The following DNAH5 variants were observed in gnomAD, a reference collection of about 807,000 sequenced individuals.
DNAH5 encodes axonemal beta dynein heavy chain 5.
DNAH5 carries 372 observed loss-of-function variants against 518.2 expected under a neutral mutation model. The observed-to-expected ratio is 0.72, with a 90% CI of 0.66 to 0.78. The LOEUF (loss-of-function observed/expected upper bound fraction) is 0.78, where lower values mean the gene tolerates loss of function less well. Among genes scored for constraint, DNAH5 ranks in the 30% least tolerant of loss-of-function variants. The pLI is 0.00. For synonymous variants in DNAH5, 2,039 were observed against 2,025.9 expected (o/e 1.01, Z -0.17); for missense variants, 5,523 against 5,687.0 (o/e 0.97, Z 0.93).
At chr5:13,786,590 G>A (rs529459259) in intron 51 of DNAH5, among the ~76,000 whole-genome samples, 9 of 152,134 alleles carry the variant, frequency 5.9e-5, no homozygotes, top group African/African-American at 1.7e-4. Context: ...TAATATTATC[G>A]TCATTGAATT....
chr5:13,754,301 A>G lies in DNAH5; in HGVS notation c.10457T>C (p.Met3486Thr), dbSNP rs141651941. The stretch of plus-strand genomic sequence containing the variant: ...ACTGATGAGCGTGGAAGCTGTCTGC[A>G]TCTTGTGTCTGCATCGCTCTGCATC... Reference protein sequence around the residue: ...LEDAERCRHKMQTASTLISGL... With the variant: ...LEDAERCRHKTQTASTLISGL... The change falls in exon 62 of 79, where the codon ATG becomes ACG. Residue 3486 changes from methionine to threonine, a missense_variant. Around this residue, in one of 3 missense-constraint regions of DNAH5, gnomAD observed 5,121 missense variants for 5,223.3 expected, o/e 0.98. Coordinates refer to ENST00000265104, the MANE Select transcript of DNAH5 (RefSeq NM_001369.3). 2,283 of 1,614,100 alleles carry G rather than the reference A, an allele frequency of 1.4e-3. 44 individuals carry two copies. The Admixed American group carries it at 0.035, about 25-fold the overall frequency.
Position 13,901,245 on chromosome 5 carries a change from G to T in DNAH5, c.2052+7C>A. Reference sequence around the variant, plus strand: ...ACAATGGGAAGAGTATAAATTTAGGGACTCACTTGCCGAAGCCACGCCCTG... The same window carrying T: ...ACAATGGGAAGAGTATAAATTTAGGTACTCACTTGCCGAAGCCACGCCCTG... On this transcript the variant is annotated splice_region_variant and intron_variant, in intron 14 of 78. Transcript: ENST00000265104. 1 of 1,612,510 alleles carries T rather than the reference G, an allele frequency of 6.2e-7. No homozygotes were observed. The highest frequency in any genetic ancestry group is 1.1e-5 in the South Asian group (1 of 91,046).
chr5:13,862,533 A>T lies in DNAH5; in HGVS notation c.4796+15T>A. 6.2e-7 allele frequency: 1 copy of T among 1,611,750 alleles called. No individual in the cohort carries two copies. Among genetic ancestry groups the T allele is most frequent in the Non-Finnish European group, 8.5e-7 (1 of 1,177,884 alleles). On this transcript the variant is annotated intron_variant, in intron 29 of 78. Transcript: ENST00000265104. The stretch of plus-strand genomic sequence containing the variant: ...GGTTCTCAAATCTAAGGGAAAAGAT[A>T]GATGGTTTTCCCACCTGTTGCTCAG...
chr5:13,891,014 C>T lies in DNAH5; in HGVS notation c.2539G>A (p.Glu847Lys), dbSNP rs1185753925. ...AGAAACTCTTCACAGGTTAGTGGCT[C>T]CTCCTGGGGAAGCTGACAAAGAGGC... ...STPLCQLPQEEPLTCEEFLQM... is the reference protein window; with the variant it reads ...STPLCQLPQEKPLTCEEFLQM... The change falls in exon 17 of 79, where the codon GAG (glutamate) becomes AAG (lysine). Residue 847 changes from glutamate to lysine, a missense_variant. Glu to Lys is a moderately conservative substitution (Grantham distance 56). This residue lies in a region of DNAH5 where 5,121 missense variants were observed against 5,223.3 expected (regional missense o/e 0.98). Coordinates refer to ENST00000265104, the MANE Select transcript of DNAH5 (RefSeq NM_001369.3). The T allele has an allele frequency of 1.9e-6, 3 of 1,614,178 alleles. No individual in the cohort carries two copies. Among genetic ancestry groups the T allele is most frequent in the Non-Finnish European group, 2.5e-6 (3 of 1,180,010 alleles).
intron 68 of DNAH5, 117 bp from the exon 69 acceptor site, chr5:13,729,677 A>G: frequency 2.2e-6 from 2 of 913,456 alleles, no homozygotes; most frequent in Non-Finnish European, 1.6e-6. Context: ...TTTTTTAAGC[A>G]CAGAAATATA....
intron 1 of DNAH5, among the ~76,000 whole-genome samples, chr5:13,988,632 G>A (rs959313146): frequency 5.9e-5 from 9 of 151,438 alleles, no homozygotes; most frequent in Non-Finnish European, 1.2e-4. Context: ...TGGCCAGGCT[G>A]GTCTCAAACT....
At chr5:13,798,708 C>T (rs1184079556) in intron 47 of DNAH5, among the ~76,000 whole-genome samples, 2 of 151,428 alleles carry the variant, frequency 1.3e-5, no homozygotes, top group East Asian at 3.9e-4. Context: ...ACAGTAATTG[C>T]ACAGTGTACA....
rs1389551827 is a variant in DNAH5, at chr5:13,824,323, T to A, written c.6455A>T (p.Asp2152Val). ...TGACAGAATGTTACGCAGGCCAAAG[T>A]CATAATGAACCTAGAGAATGTGAGA... ...EEQLSKQVHY[D>V]FGLRNILSVL... The change falls in exon 39 of 79, where the codon GAC becomes GTC. Residue 2152 changes from aspartate to valine, a missense_variant. Asp to Val is a radical substitution (Grantham distance 152). Coordinates refer to ENST00000265104, the MANE Select transcript of DNAH5 (RefSeq NM_001369.3). The A allele has an allele frequency of 2.5e-6, 4 of 1,614,104 alleles. No homozygotes were observed. The highest frequency in any genetic ancestry group is 3.4e-6 in the Non-Finnish European group (4 of 1,179,990).
At chr5:13,943,577 G>A (rs1040589869) in intron 1 of DNAH5, among the ~76,000 whole-genome samples, 7 of 152,178 alleles carry the variant, frequency 4.6e-5, no homozygotes, top group Admixed American at 2.0e-4. Context: ...GCTGCAAGAC[G>A]TTCACCTTGG....
intron 1 of DNAH5, among the ~76,000 whole-genome samples, chr5:13,976,030 A>T (rs539978601): frequency 0.012 from 1,850 of 152,310 alleles, 36 homozygotes; most frequent in African/African-American, 0.042. Context: ...CTCTGCATCT[A>T]AAAAAATTTT....
intron 1 of DNAH5, among the ~76,000 whole-genome samples, chr5:14,000,214 A>G (rs569674759): frequency 1.5e-4 from 23 of 152,352 alleles, no homozygotes; most frequent in African/African-American, 5.5e-4. Context: ...GGACAGAGAC[A>G]AGCACAGAGG....
chr5:13,734,189 T>C (rs1747018904), intron 68 of DNAH5, among the ~76,000 whole-genome samples: 1 of 152,154 alleles, frequency 6.6e-6, no homozygotes, highest in African/African-American at 2.4e-5. Flanking sequence ...CATGTGAAGA[T>C]GCAATGAGAA....
At chr5:13,758,446 G>T (rs1025365567) in intron 61 of DNAH5, among the ~76,000 whole-genome samples, 8 of 152,180 alleles carry the variant, frequency 5.3e-5, no homozygotes, top group African/African-American at 1.7e-4. Context: ...AGTGAGCCAT[G>T]ATCATGCCAT....
At position 13,701,456 on chromosome 5, in the gene DNAH5, A is replaced by G; in HGVS notation, c.13339-20T>C. 1.2e-6 allele frequency: 2 copies of G among 1,600,014 alleles called. No individual in the cohort carries two copies. The highest frequency in any genetic ancestry group is 4.5e-5 in the East Asian group (2 of 44,790). ...AGAAGCCTGCAATGAAGACATTAAA[A>G]CAATTAATTGATGTAAGTTTAATAC... is the stretch of plus-strand genomic sequence containing the variant. On this transcript the variant is annotated intron_variant, in intron 76 of 78. Transcript: ENST00000265104.
intron 1 of DNAH5, among the ~76,000 whole-genome samples, chr5:13,997,458 A>G (rs1416930360): frequency 6.6e-6 from 1 of 152,126 alleles, no homozygotes; most frequent in Non-Finnish European, 1.5e-5. Flanking sequence ...TCATCAAATG[A>G]CCTTTACTAT....
chr5:14,010,829 T>C (rs1226623641), intron 1 of DNAH5, among the ~76,000 whole-genome samples: 5 of 152,098 alleles, frequency 3.3e-5, no homozygotes, highest in Admixed American at 3.3e-4. Context: ...TATAAATTTA[T>C]ATCTTTAAAA....
chr5:13,729,054 C>T (rs1228095070), intron 69 of DNAH5, among the ~76,000 whole-genome samples: 3 of 152,142 alleles, frequency 2.0e-5, no homozygotes, highest in Non-Finnish European at 2.9e-5. Flanking sequence ...GGAAATTTAG[C>T]ATTTAGAGGC....
Position 13,824,240 on chromosome 5 carries a change from T to A in DNAH5, c.6538A>T (p.Ile2180Phe). ...RANPMDTEST[I>F]VMRVLRDMNL... The stretch of plus-strand genomic sequence containing the variant: ...ATGTCCCGTAGTACACGCATGACAA[T>A]CGTGGACTCCGTATCCATTGGATTG... Residue 2180 changes from isoleucine to phenylalanine, a missense_variant, in exon 39 of 79, where the codon ATT becomes TTT. Physicochemically the swap from Ile to Phe is conservative, Grantham distance 21. Around this residue, in one of 3 missense-constraint regions of DNAH5, gnomAD observed 5,121 missense variants for 5,223.3 expected, o/e 0.98. Coordinates refer to ENST00000265104, the MANE Select transcript of DNAH5 (RefSeq NM_001369.3). 1 of 1,613,854 alleles carries A rather than the reference T, an allele frequency of 6.2e-7. No homozygotes were observed.
intron 35 of DNAH5, among the ~76,000 whole-genome samples, chr5:13,835,520 A>C (rs1764262162): frequency 6.6e-6 from 1 of 152,156 alleles, no homozygotes; most frequent in Non-Finnish European, 1.5e-5. Flanking sequence ...CACGTGCGCC[A>C]AGCATCATGG....
Sources: gnomAD v4.1 joint callset for allele counts (sites outside exome capture counted in the v4.1 genomes callset) on GRCh38, gnomAD v4.1.1 for gene constraint, gnomAD v4.1.1 regional missense constraint, MANE v1.5 for transcripts, NCBI Gene and HGNC (gene_info 2026-07-23, HGNC 2026-07-21) for gene names.